DNAH6: variants seen among roughly 807,000 people sequenced by gnomAD.
DNAH6 encodes the protein axonemal beta dynein heavy chain 6.
A neutral mutation model predicts 491.4 loss-of-function variants in DNAH6; 340 were observed. That is an observed-to-expected ratio of 0.69 (90% confidence interval 0.63 to 0.76). DNAH6 has a LOEUF of 0.76. DNAH6 is among the 30% of genes least tolerant of loss of function. DNAH6 has a pLI of 0.00. For synonymous variants in DNAH6, 1,603 were observed against 1,686.1 expected, an observed-to-expected ratio of 0.95 and a Z score of 1.21; for missense variants, 4,443 against 4,972.2, an observed-to-expected ratio of 0.89 and a Z score of 3.20.
Position 84,672,442 on chromosome 2 carries a change from G to A in DNAH6, c.6570G>A (p.Gly2190=), listed in dbSNP as rs775549176. Reference sequence around the variant, plus strand: ...TACTTCGGCAGTATCAAGATTTTGGGGGATTTTATGACAGAAACAAACTGT... The same window carrying A: ...TACTTCGGCAGTATCAAGATTTTGGAGGATTTTATGACAGAAACAAACTGT... ...IELLRQYQDF[G]GFYDRNKLFW... is the part of the protein sequence containing the mutation. The change falls in exon 40 of 77, where the codon GGG becomes GGA. Residue 2190 remains glycine (G), a synonymous_variant. Transcript: ENST00000389394. 28 of 1,551,294 alleles carry A rather than the reference G, an allele frequency of 1.8e-5. No individual in the cohort carries two copies. The South Asian group carries it at 3.0e-4, about 16-fold the overall frequency.
In DNAH6 at chr2:84,653,668, T is replaced by A. The variant is rs1274772560; in HGVS notation, c.5428T>A (p.Leu1810Met). The change falls in exon 34 of 77, where the codon TTG (leucine) becomes ATG (methionine). Residue 1810 changes from leucine to methionine, a missense_variant. Coordinates refer to ENST00000389394, the MANE Select transcript of DNAH6 (RefSeq NM_001370.2). ...ELYGEVNNLT[L>M]EWKDGLMALS... Reference sequence around the variant, plus strand: ...ATATGGAGAGGTTAATAACTTAACCTTGGAATGGAAAGATGGTTTGATGGC... The same window carrying A: ...ATATGGAGAGGTTAATAACTTAACCATGGAATGGAAAGATGGTTTGATGGC... 6.4e-7 allele frequency: 1 copy of A among 1,551,122 alleles called. No individual in the cohort carries two copies. Among genetic ancestry groups the A allele is most frequent in the African/African-American group, 1.4e-5 (1 of 72,978 alleles).
At chr2:84,532,954 G>A (rs1005111627) in intron 4 of DNAH6, among the ~76,000 whole-genome samples, 2 of 152,110 alleles carry the variant, frequency 1.3e-5, no homozygotes, top group Admixed American at 6.6e-5. Flanking sequence ...AATCACAAAT[G>A]TGCAATGCAG....
At chr2:84,667,271 T>G (rs909574459) in intron 37 of DNAH6, among the ~76,000 whole-genome samples, 1 of 152,000 alleles carries the variant, frequency 6.6e-6, no homozygotes, top group African/African-American at 2.4e-5. Context: ...ACTAAAGAGC[T>G]TCTGCACAGC....
At chr2:84,542,564 G>T (rs1170982994) in intron 4 of DNAH6, among the ~76,000 whole-genome samples, 1 of 152,016 alleles carries the variant, frequency 6.6e-6, no homozygotes, top group Non-Finnish European at 1.5e-5. Context: ...CTCCCACTTC[G>T]CACAGCACCA....
At chr2:84,772,865 G>A (rs1675764549) in intron 64 of DNAH6, among the ~76,000 whole-genome samples, 2 of 151,896 alleles carry the variant, frequency 1.3e-5, no homozygotes. Context: ...AGTACACATA[G>A]TACATTCTCC....
intron 72 of DNAH6, among the ~76,000 whole-genome samples, chr2:84,811,987 C>G (rs1171397395): frequency 1.3e-5 from 2 of 152,210 alleles, no homozygotes. Flanking sequence ...TCCTCACACT[C>G]TGTGCTTCCC....
intron 72 of DNAH6, among the ~76,000 whole-genome samples, chr2:84,811,859 CAA>C (rs34583430): frequency 0.043 from 4,546 of 104,884 alleles, 244 homozygotes; most frequent in African/African-American, 0.14. Context: ...GATTCTGTCT[CAA>C]AAAAAAAAAA....
chr2:84,621,785 A>G (rs1687423616), intron 26 of DNAH6, among the ~76,000 whole-genome samples: 1 of 152,146 alleles, frequency 6.6e-6, no homozygotes, highest in Non-Finnish European at 1.5e-5. Context: ...AGGAGGAAAA[A>G]CAATTCCAGA....
Position 84,529,159 on chromosome 2 carries a change from A to G in DNAH6, c.655A>G (p.Asn219Asp). 6.5e-7 allele frequency: 1 copy of G among 1,536,738 alleles called. No homozygotes were observed. Among genetic ancestry groups the G allele is most frequent in the South Asian group, 1.2e-5 (1 of 82,532 alleles). Residue 219 changes from asparagine (N) to aspartate (D), a missense_variant, in exon 4 of 77, where the codon AAT becomes GAT. Around this residue, in one of 3 missense-constraint regions of DNAH6, gnomAD observed 2,977 missense variants for 3,296.6 expected, o/e 0.90. Coordinates refer to ENST00000389394, the MANE Select transcript of DNAH6 (RefSeq NM_001370.2). ...PRSSIEYDTY[N>D]LKVVSYENIN... ...ATCATCCATTGAATATGATACATATAATCTAAAGTGAGTTATTTTTTATGA... is the reference window on the plus strand; with the variant it reads ...ATCATCCATTGAATATGATACATATGATCTAAAGTGAGTTATTTTTTATGA...
intron 35 of DNAH6, among the ~76,000 whole-genome samples, chr2:84,656,272 G>T (rs893875663): frequency 3.3e-5 from 5 of 152,136 alleles, no homozygotes; most frequent in African/African-American, 9.7e-5. Context: ...GCAGGTTTTT[G>T]TGTGGACATA....
intron 59 of DNAH6, among the ~76,000 whole-genome samples, chr2:84,722,062 A>G (rs1270358526): frequency 6.6e-6 from 1 of 152,206 alleles, no homozygotes; most frequent in African/African-American, 2.4e-5. Flanking sequence ...AAGCATCGCT[A>G]ACTCATTTGG....
intron 18 of DNAH6, among the ~76,000 whole-genome samples, chr2:84,598,631 G>A (rs1234755388): frequency 5.3e-5 from 8 of 152,270 alleles, no homozygotes; most frequent in African/African-American, 1.7e-4. Flanking sequence ...CAATTTATGA[G>A]AATTCCAGTT....
At chr2:84,556,967 G>A (rs1043633086) in intron 10 of DNAH6, among the ~76,000 whole-genome samples, 2 of 152,034 alleles carry the variant, frequency 1.3e-5, no homozygotes, top group East Asian at 1.9e-4. Flanking sequence ...GAACCTTAAG[G>A]GTTTCTCTAA....
intron 22 of DNAH6, among the ~76,000 whole-genome samples, chr2:84,616,090 T>C (rs1686827585): frequency 6.6e-6 from 1 of 152,070 alleles, no homozygotes. Flanking sequence ...TATTGGGACT[T>C]GTTTTGTGTC....
chr2:84,620,033 C>G, intron 24 of DNAH6, 129 bp downstream of exon 24: 1 of 788,722 alleles, frequency 1.3e-6, no homozygotes, highest in South Asian at 1.9e-5. Context: ...AAATTCTTGC[C>G]CTCAAAGAGC....
chr2:84,788,968 T>C (rs1453275404), intron 68 of DNAH6, among the ~76,000 whole-genome samples: 2 of 152,200 alleles, frequency 1.3e-5, no homozygotes, highest in Non-Finnish European at 2.9e-5. Context: ...AGACATCAAT[T>C]TGCAAGGAGC....
At chr2:84,490,523 G>C in the DNAH6 span, among the ~76,000 whole-genome samples, 1 of 151,976 alleles carries the variant, frequency 6.6e-6, no homozygotes, top group Non-Finnish European at 1.5e-5. Flanking sequence ...TATTGCTATA[G>C]TTTTGCCTTT....
chr2:84,635,304 T>G (rs1271294778), intron 30 of DNAH6, among the ~76,000 whole-genome samples: 1 of 152,242 alleles, frequency 6.6e-6, no homozygotes, highest in African/African-American at 2.4e-5. Context: ...TTATGGTATG[T>G]GCTCACACTT....
intron 43 of DNAH6, 55 bp from the exon 44 acceptor site, chr2:84,686,429 A>G: frequency 9.9e-7 from 1 of 1,014,728 alleles, no homozygotes; most frequent in South Asian, 1.5e-5. Flanking sequence ...TATCACTAAA[A>G]TATTCCATTC....
Sources: allele counts gnomAD v4.1 joint callset (sites outside exome capture counted in the v4.1 genomes callset), GRCh38; gene constraint gnomAD v4.1.1; regional missense constraint gnomAD v4.1.1; transcripts MANE v1.5; gene names NCBI Gene and HGNC (gene_info 2026-07-23, HGNC 2026-07-21).